Variants in KCNJ5 observed in about 807,000 individuals in gnomAD.
KCNJ5 encodes the protein potassium inwardly rectifying channel subfamily J member 5.
Under a neutral mutation model 20.2 loss-of-function variants are expected in KCNJ5, and 12 were observed. That is an observed-to-expected ratio of 0.59 (90% CI 0.38 to 0.96). KCNJ5 has a LOEUF of 0.96. KCNJ5 is among the 40% of genes least tolerant of loss of function. The probability of loss-of-function intolerance (pLI) is 0.00; values close to 1 mark genes in which losing one functional copy is unlikely to be tolerated. For synonymous variants in KCNJ5, 210 were observed against 213.9 expected, an observed-to-expected ratio of 0.98 and a Z score of 0.16; for missense variants, 449 against 557.6, an observed-to-expected ratio of 0.81 and a Z score of 1.96.
chr11:128,919,551 G>A lies in KCNJ5; in HGVS notation c.*2820G>A, dbSNP rs998574025. 69 of 152,280 alleles carry A rather than the reference G, an allele frequency of 4.5e-4. No homozygotes were observed. The highest frequency in any genetic ancestry group is 1.6e-3 in the African/African-American group (65 of 41,470). 9.4% of individuals were successfully genotyped at this position (152,280 alleles called of 1,614,324 possible). ...ATCCCCTTCCTGGTGACCAACTGAT[G>A]CAATGAAAGTTTGAAAAGTTCTTCA... On this transcript the variant is annotated 3_prime_UTR_variant, in exon 3 of 3. Coordinates refer to ENST00000529694, the MANE Select transcript of KCNJ5 (RefSeq NM_000890.5).
intron 1 of KCNJ5, among the ~76,000 whole-genome samples, chr11:128,893,683 G>T (rs34444372): frequency 8.2e-6 from 1 of 121,438 alleles, no homozygotes; most frequent in African/African-American, 3.3e-5. Context: ...TTCAGCTAAA[G>T]GAGGAGCCAA....
chr11:128,904,302 A>C, intron 1 of KCNJ5: 1 of 1,397,224 alleles, frequency 7.2e-7, no homozygotes, highest in Non-Finnish European at 9.7e-7. Context: ...CAGACAAGCC[A>C]AATTCAGGAC....
At chr11:128,901,061 G>C in intron 1 of KCNJ5, 1 of 152,228 alleles carries the variant, frequency 6.6e-6, no homozygotes, top group East Asian at 1.9e-4. Context: ...AGAGACCCAG[G>C]GTGGTAACCT....
chr11:128,903,561 G>A (rs1442006066), intron 1 of KCNJ5: 2 of 1,600,048 alleles, frequency 1.2e-6, no homozygotes, highest in Admixed American at 1.7e-5. Flanking sequence ...GAAATCAGTG[G>A]CTGCTAGTTA....
Position 128,911,343 on chromosome 11 carries a change from A to G in KCNJ5, c.70A>G (p.Lys24Glu). Reference protein sequence around the residue: ...EIGVTPWDPKKIPKQARDYVP... With the variant: ...EIGVTPWDPKEIPKQARDYVP... ...TGGAGTCACTCCCTGGGACCCCAAG[A>G]AGATTCCAAAACAGGCCCGCGATTA... Residue 24 changes from lysine to glutamate, a missense_variant, in exon 2 of 3, where the codon AAG becomes GAG. Around this residue, in one of 5 missense-constraint regions of KCNJ5, gnomAD observed 203 missense variants for 258.0 expected, o/e 0.79. Transcript: ENST00000529694. This position sits in a 1 kb window ranked among gnomAD's most constrained non-coding sequence, Gnocchi z 6.3. The G allele has an allele frequency of 6.2e-7, 1 of 1,614,210 alleles. No individual in the cohort carries two copies.
intron 1 of KCNJ5, among the ~76,000 whole-genome samples, chr11:128,895,245 G>T (rs1039212944): frequency 3.9e-5 from 6 of 152,240 alleles, no homozygotes; most frequent in African/African-American, 1.4e-4. Flanking sequence ...TACAGTCAGG[G>T]AGGTCCAATG....
intron 1 of KCNJ5, among the ~76,000 whole-genome samples, chr11:128,897,042 A>G (rs1591438029): frequency 6.7e-6 from 1 of 148,586 alleles, no homozygotes; most frequent in South Asian, 2.1e-4. Context: ...TTCTAGTGCT[A>G]TCTTATTGGG....
chr11:128,898,450 C>T (rs533327544), intron 1 of KCNJ5, among the ~76,000 whole-genome samples: 2 of 152,348 alleles, frequency 1.3e-5, no homozygotes, highest in East Asian at 3.9e-4. Context: ...ATAACACCTA[C>T]CTTGAAATGC....
intron 2 of KCNJ5, among the ~76,000 whole-genome samples, chr11:128,914,593 T>G (rs1944550304): frequency 6.6e-6 from 1 of 152,152 alleles, no homozygotes; most frequent in Non-Finnish European, 1.5e-5. Context: ...GTAGCACAAC[T>G]CTGCCGTATC....
intron 1 of KCNJ5, among the ~76,000 whole-genome samples, chr11:128,908,237 G>A (rs965308666): frequency 8.5e-5 from 13 of 152,170 alleles, no homozygotes; most frequent in African/African-American, 2.7e-4. Context: ...TTATGAATAC[G>A]TATGTTTATT....
rs370673577 is a variant in KCNJ5, at chr11:128,912,116, C to T, written c.843C>T (p.Asn281=). Residue 281 remains asparagine (N), a synonymous_variant, in exon 2 of 3, where the codon AAC becomes AAT. Transcript: ENST00000529694. ...CTCTGATCATCTCCCATGAGATCAACCAGAAGAGCCCTTTCTGGGAGATGT... is the reference window on the plus strand; with the variant it reads ...CTCTGATCATCTCCCATGAGATCAATCAGAAGAGCCCTTTCTGGGAGATGT... The part of the protein sequence containing the change: ...VSPLIISHEI[N]QKSPFWEMSQ... 3.8e-5 allele frequency: 61 copies of T among 1,613,448 alleles called. No individual in the cohort carries two copies. Among genetic ancestry groups the T allele is most frequent in the Admixed American group, 6.7e-5 (4 of 60,008 alleles).
intron 1 of KCNJ5, among the ~76,000 whole-genome samples, chr11:128,895,382 A>ACCCC (rs59889127): frequency 1.4e-4 from 20 of 141,398 alleles, no homozygotes; most frequent in African/African-American, 5.0e-4. Context: ...GTGTGCCCCC[A>ACCCC]CCCCCCCCCC....
chr11:128,916,129 G>A (rs530615968), intron 2 of KCNJ5, among the ~76,000 whole-genome samples: 126 of 144,958 alleles, frequency 8.7e-4, no homozygotes, highest in African/African-American at 3.0e-3. Context: ...TGGATGGATG[G>A]ATGGATGGAT....
intron 1 of KCNJ5, among the ~76,000 whole-genome samples, chr11:128,909,286 G>A (rs188229432): frequency 1.0e-3 from 156 of 152,274 alleles, no homozygotes; most frequent in African/African-American, 3.7e-3. Context: ...ACAGCTTCCC[G>A]GTGTTCTGCC....
At chr11:128,896,416 A>G (rs1050490993) in intron 1 of KCNJ5, among the ~76,000 whole-genome samples, 3 of 152,180 alleles carry the variant, frequency 2.0e-5, no homozygotes, top group Admixed American at 2.0e-4. Context: ...ATGTGGCCCT[A>G]TTATAGCCAC....
chr11:128,912,009 G>A lies in KCNJ5; in HGVS notation c.736G>A (p.Glu246Lys), dbSNP rs587777439. 7 of 1,610,470 alleles carry A rather than the reference G, an allele frequency of 4.3e-6. No individual in the cohort carries two copies. Among genetic ancestry groups the A allele is most frequent in the Non-Finnish European group, 5.9e-6 (7 of 1,177,124 alleles). The change falls in exon 2 of 3, where the codon GAG (glutamate) becomes AAG (lysine). Residue 246 changes from glutamate (E) to lysine (K), a missense_variant. Glu to Lys is a moderately conservative substitution (Grantham distance 56). Coordinates refer to ENST00000529694, the MANE Select transcript of KCNJ5 (RefSeq NM_000890.5). ...AKLIKSRQTK[E>K]GEFIPLNQTD... ...GCTCATCAAGTCCCGGCAGACCAAA[G>A]AGGGGGAGTTCATCCCCCTGAACCA...
rs538360243 is a variant in KCNJ5, at chr11:128,895,173, C to A, written c.-11+3452C>A. The stretch of plus-strand genomic sequence containing the variant: ...CTCATTCTCATCCCCTGTGACTTGG[C>A]GGTCCGGGGCTGGGTGTACTGCTCA... On this transcript the variant is annotated intron_variant, in intron 1 of 2. Coordinates refer to ENST00000529694, the MANE Select transcript of KCNJ5 (RefSeq NM_000890.5). 1.7e-4 allele frequency among the ~76,000 whole-genome samples: 26 copies of A among 152,198 alleles called. 1 individual carries two copies. In the South Asian group the frequency reaches 5.0e-3, roughly 29 times the overall value.
intron 1 of KCNJ5, among the ~76,000 whole-genome samples, chr11:128,893,643 T>C (rs1468566510): frequency 3.3e-5 from 5 of 152,076 alleles, no homozygotes; most frequent in Non-Finnish European, 7.4e-5. Flanking sequence ...ATTTTTTAAG[T>C]AGCCTGCCTG....
Position 128,899,805 on chromosome 11 carries a change from T to C in KCNJ5, c.-11+8084T>C, listed in dbSNP as rs1387297376. On this transcript the variant is annotated intron_variant, in intron 1 of 2. Coordinates refer to ENST00000529694, the MANE Select transcript of KCNJ5 (RefSeq NM_000890.5). ...GACTTTTCATACATCTTCTGTGAGA[T>C]CCAGGAGGATGCATGTGGATTTTGC... is the stretch of plus-strand genomic sequence containing the variant. 3.3e-5 allele frequency: 5 copies of C among 152,232 alleles called. No individual in the cohort carries two copies. The East Asian group carries it at 7.7e-4, about 24-fold the overall frequency. 9.4% of individuals were successfully genotyped at this position (152,232 alleles called of 1,614,324 possible).
Sources: gnomAD v4.1 joint callset for allele counts (sites outside exome capture counted in the v4.1 genomes callset) on GRCh38, gnomAD v4.1.1 for gene constraint, gnomAD v4.1.1 regional missense constraint, Gnocchi (gnomAD v3.1) non-coding constraint, MANE v1.5 for transcripts, NCBI Gene and HGNC (gene_info 2026-07-23, HGNC 2026-07-21) for gene names.